NMT2: variants seen among roughly 807,000 people sequenced by gnomAD.
NMT2 encodes N-myristoyltransferase 2, also known as glycylpeptide N-tetradecanoyltransferase 2.
NMT2 carries 35 observed loss-of-function variants against 65.4 expected under a neutral mutation model. The ratio of observed to expected loss-of-function variants is 0.54; its 90% CI spans 0.41 to 0.71. The LOEUF is 0.71. NMT2 is among the 30% of genes least tolerant of loss of function. The pLI is 0.00. For synonymous variants in NMT2, 226 were observed against 231.8 expected (o/e 0.98, Z 0.23); for missense variants, 489 against 611.3 (o/e 0.80, Z 2.11).
At chr10:15,112,667 T>G in intron 10 of NMT2, 129 bp downstream of exon 10, 1 of 850,112 alleles carries the variant, frequency 1.2e-6, no homozygotes, top group South Asian at 2.4e-5. Flanking sequence ...CTTTGACTGA[T>G]GATCAATAGT....
intron 8 of NMT2, among the ~76,000 whole-genome samples, chr10:15,124,275 C>T (rs1294981054): frequency 1.3e-5 from 2 of 152,192 alleles, no homozygotes; most frequent in African/African-American, 2.4e-5. Flanking sequence ...AGGGAGGCAT[C>T]GTAAGGCGTG....
In NMT2 at chr10:15,130,306, C is replaced by T. The variant is rs1215933373; in HGVS notation, c.726G>A (p.Lys242=). 1 of 1,578,760 alleles carries T rather than the reference C, an allele frequency of 6.3e-7. No homozygotes were observed. Among genetic ancestry groups the T allele is most frequent in the Admixed American group, 1.8e-5 (1 of 55,358 alleles). The change falls in exon 7 of 12, where the codon AAG becomes AAA. Residue 242 remains lysine, a synonymous_variant. Transcript: ENST00000378165. ...AAAGAAAGTTGATTTCTACCATCTTCTTCACACTAAGAAATAAAGATGGTG... is the reference window on the plus strand; with the variant it reads ...AAAGAAAGTTGATTTCTACCATCTTTTTCACACTAAGAAATAAAGATGGTG... ...PANIRIYDSV[K]KMVEINFLCV...
intron 1 of NMT2, among the ~76,000 whole-genome samples, chr10:15,164,095 A>C (rs781224684): frequency 1.5e-4 from 23 of 149,328 alleles, no homozygotes; most frequent in Admixed American, 8.1e-4. Context: ...AGGCAAGAGA[A>C]TGGCGTGAAC....
intron 9 of NMT2, among the ~76,000 whole-genome samples, chr10:15,117,798 G>GA (rs1845794201): frequency 1.3e-5 from 2 of 152,176 alleles, no homozygotes; most frequent in Non-Finnish European, 2.9e-5. Flanking sequence ...CCCAAAGAAA[G>GA]TGAAATATCT....
At chr10:15,120,046 T>C (rs1256579745) in intron 8 of NMT2, among the ~76,000 whole-genome samples, 1 of 152,264 alleles carries the variant, frequency 6.6e-6, no homozygotes, top group Non-Finnish European at 1.5e-5. Context: ...TCGTTGCATC[T>C]GTGCTGATCA....
chr10:15,162,829 TTA>T (rs1287286297), intron 1 of NMT2, among the ~76,000 whole-genome samples: 2 of 148,264 alleles, frequency 1.3e-5, no homozygotes, highest in Non-Finnish European at 3.0e-5. Context: ...TATTTGATAT[TTA>T]TATATCTCTA....
At chr10:15,113,112 T>G in intron 9 of NMT2, 149 bp from the exon 10 acceptor site, 1 of 755,158 alleles carries the variant, frequency 1.3e-6, no homozygotes, top group Non-Finnish European at 2.2e-6. Context: ...GCCCCTTATA[T>G]TGTGCTGTGT....
chr10:15,135,780 G>A (rs78535110), intron 2 of NMT2, among the ~76,000 whole-genome samples: 5,438 of 152,050 alleles, frequency 0.036, 309 homozygotes, highest in African/African-American at 0.13. Flanking sequence ...AGCCTTGGGT[G>A]GGGGGCACTG....
intron 1 of NMT2, among the ~76,000 whole-genome samples, chr10:15,149,347 CATCATCACCATT>C (rs1847074913): frequency 6.6e-6 from 1 of 151,882 alleles, no homozygotes; most frequent in Non-Finnish European, 1.5e-5. Context: ...TCATCACCAC[CATCATCACCATT>C]ATCATCACCA....
intron 1 of NMT2, among the ~76,000 whole-genome samples, chr10:15,157,905 G>C (rs937766306): frequency 1.3e-5 from 2 of 152,178 alleles, no homozygotes; most frequent in African/African-American, 4.8e-5. Context: ...AAAAGCAACA[G>C]ATTTACAGTC....
At chr10:15,150,591 C>T (rs558161914) in intron 1 of NMT2, among the ~76,000 whole-genome samples, 5 of 152,190 alleles carry the variant, frequency 3.3e-5, no homozygotes, top group African/African-American at 1.2e-4. Context: ...AAAGCAACAT[C>T]GTCTCTGTGC....
At position 15,130,239 on chromosome 10, in the gene NMT2, G is replaced by A. The variant is rs1846229953; in HGVS notation, c.793C>T (p.Leu265=). The A allele has an allele frequency of 2.5e-6, 4 of 1,609,448 alleles. No homozygotes were observed. The highest frequency in any genetic ancestry group is 3.4e-6 in the Non-Finnish European group (4 of 1,177,640). The change falls in exon 7 of 12, where the codon CTA becomes TTA. Residue 265 remains leucine (L), a synonymous_variant. Coordinates refer to ENST00000378165, the MANE Select transcript of NMT2 (RefSeq NM_004808.3). ...ACTCTTCTAGTGATCTCTCGGATTA[G>A]CACTGGGGCTACCCGTTTCGATCTC... ...KLRSKRVAPV[L]IREITRRVNL...
chr10:15,163,950 C>A (rs183182532), intron 1 of NMT2, among the ~76,000 whole-genome samples: 2 of 151,984 alleles, frequency 1.3e-5, no homozygotes, highest in Non-Finnish European at 2.9e-5. Context: ...GAGGCCGAGG[C>A]GGGCGGATCA....
intron 2 of NMT2, among the ~76,000 whole-genome samples, chr10:15,140,807 A>T (rs1267081680): frequency 1.3e-5 from 2 of 152,190 alleles, no homozygotes; most frequent in Admixed American, 1.3e-4. Flanking sequence ...GTGCCACCAG[A>T]CACCCACGCA....
intron 1 of NMT2, among the ~76,000 whole-genome samples, chr10:15,162,556 A>G (rs1366897594): frequency 1.3e-5 from 2 of 151,822 alleles, no homozygotes; most frequent in Non-Finnish European, 2.9e-5. Flanking sequence ...TCACCCCAGA[A>G]AGTTCCAGCA....
Position 15,107,801 on chromosome 10 carries a change from C to G in NMT2, c.*1394G>C, listed in dbSNP as rs1038077091. The G allele has an allele frequency of 5.1e-6, 5 of 985,632 alleles. No homozygotes were observed. The African/African-American group carries it at 7.0e-5, about 14-fold the overall frequency. The allele number at this position is 985,632 out of a possible 1,614,324, so 61.1% of individuals were successfully genotyped here. A position where few individuals can be genotyped will look rare whatever the true frequency, so the allele number is the denominator to read the frequency against. ...CTGAGTTGAGGCCAGGCTACGTGGC[C>G]TCGGTTAGCATCTTATTTTTCCCGC... is the stretch of plus-strand genomic sequence containing the variant. On this transcript the variant is annotated 3_prime_UTR_variant, in exon 12 of 12. Transcript: ENST00000378165.
chr10:15,108,730 T>C lies in NMT2; in HGVS notation c.*465A>G. On this transcript the variant is annotated 3_prime_UTR_variant, in exon 12 of 12. Coordinates refer to ENST00000378165, the MANE Select transcript of NMT2 (RefSeq NM_004808.3). ...ATGTTCCCAGTGATACCATGTAAGG[T>C]GATACCAGTAAAAAAAATTTCCAAA... 1 of 1,021,508 alleles carries C rather than the reference T, an allele frequency of 9.8e-7. No homozygotes were observed. Among genetic ancestry groups the C allele is most frequent in the Non-Finnish European group, 1.2e-6 (1 of 854,732 alleles). The allele number at this position is 1,021,508 out of a possible 1,614,324, so 63.3% of individuals were successfully genotyped here. A position where few individuals can be genotyped will look rare whatever the true frequency, so the allele number is the denominator to read the frequency against.
intron 1 of NMT2, among the ~76,000 whole-genome samples, chr10:15,167,181 TA>T (rs10612190): frequency 2.3e-4 from 35 of 150,238 alleles, no homozygotes; most frequent in South Asian, 2.1e-4. Flanking sequence ...TTCCTCTCTT[TA>T]AAAAAAAAAA....
intron 8 of NMT2, among the ~76,000 whole-genome samples, chr10:15,124,270 G>A (rs1181800912): frequency 6.6e-6 from 1 of 152,206 alleles, no homozygotes. Context: ...AGGGTAGGGA[G>A]GCATCGTAAG....
Sources: gnomAD v4.1 joint callset for allele counts (sites outside exome capture counted in the v4.1 genomes callset) on GRCh38, gnomAD v4.1.1 for gene constraint, MANE v1.5 for transcripts, NCBI Gene and HGNC (gene_info 2026-07-23, HGNC 2026-07-21) for gene names.